The following SMARCA2 variants were observed in gnomAD, a reference collection of about 807,000 sequenced individuals.
SMARCA2 encodes the protein SWI/SNF-related matrix-associated actin-dependent regulator of chromatin subfamily A member 2.
In SMARCA2, 61 loss-of-function variants were observed where a neutral mutation model predicts 199.8. That is an observed-to-expected ratio of 0.31 (90% CI 0.25 to 0.38). The LOEUF (loss-of-function observed/expected upper bound fraction) is 0.38. SMARCA2 is among the 10% of genes least tolerant of loss of function. SMARCA2 has a pLI of 1.00. For synonymous variants in SMARCA2, 935 were observed against 732.0 expected, an observed-to-expected ratio of 1.28 and a Z score of -4.48; for missense variants, 1,344 against 2,012.2, an observed-to-expected ratio of 0.67 and a Z score of 6.35.
intron 27 of SMARCA2, among the ~76,000 whole-genome samples, chr9:2,133,992 C>G (rs1056280817): frequency 6.6e-6 from 1 of 152,148 alleles, no homozygotes; most frequent in Non-Finnish European, 1.5e-5. Context: ...CAGGGAAAAT[C>G]ATAGAACCTA....
At chr9:2,018,489 T>C (rs2130116487) in intron 1 of SMARCA2, among the ~76,000 whole-genome samples, 1 of 152,370 alleles carries the variant, frequency 6.6e-6, no homozygotes, top group African/African-American at 2.4e-5. Flanking sequence ...TATGACTTTG[T>C]ATGTGTACTG....
intron 27 of SMARCA2, among the ~76,000 whole-genome samples, chr9:2,138,516 CA>C (rs368694748): frequency 6.6e-6 from 1 of 152,200 alleles, no homozygotes; most frequent in African/African-American, 2.4e-5. Flanking sequence ...AACCTTTTTC[CA>C]AAGATTATTT....
rs575821550 is a variant in SMARCA2 at position 2,104,422 on chromosome 9, A to C, written c.3292+253A>C. 1.8e-4 allele frequency among the ~76,000 whole-genome samples: 27 copies of C among 152,312 alleles called. No homozygotes were observed. The highest frequency in any genetic ancestry group is 6.0e-4 in the African/African-American group (25 of 41,562). On this transcript the variant is annotated intron_variant, in intron 23 of 33. Transcript: ENST00000349721. The surrounding 1 kb of genome is among the most constrained non-coding windows in gnomAD (Gnocchi z 4.0). ...AGAGTCACTTTTGAGTACCTAAATA[A>C]AATAAAATTAAACTAAATTAAAATT...
intron 31 of SMARCA2, among the ~76,000 whole-genome samples, chr9:2,184,875 T>C (rs1053565641): frequency 6.6e-6 from 1 of 152,032 alleles, no homozygotes; most frequent in African/African-American, 2.4e-5. Context: ...GCGGGTCCTT[T>C]GTTCTGTCAT....
At chr9:2,151,581 A>C (rs1307599523) in intron 27 of SMARCA2, among the ~76,000 whole-genome samples, 1 of 151,952 alleles carries the variant, frequency 6.6e-6, no homozygotes, top group Non-Finnish European at 1.5e-5. Flanking sequence ...AAAATACAAA[A>C]AAATTGGCTG....
intron 28 of SMARCA2, among the ~76,000 whole-genome samples, chr9:2,164,328 G>A (rs1337890185): frequency 7.4e-6 from 1 of 135,538 alleles, no homozygotes; most frequent in Non-Finnish European, 1.6e-5. Flanking sequence ...CAGTGGTTTA[G>A]AGTACAGACT....
Position 2,161,812 on chromosome 9 carries a change from C to T in SMARCA2, c.4108C>T (p.Arg1370Cys), listed in dbSNP as rs1586773030. Reference sequence around the variant, plus strand: ...GGAAAAAGCTAAGAAGAGAAGAGGCCGCCCTCCCGCTGAGAAACTGTCACC... The same window carrying T: ...GGAAAAAGCTAAGAAGAGAAGAGGCTGCCCTCCCGCTGAGAAACTGTCACC... ...DVEKAKKRRG[R>C]PPAEKLSPNP... Residue 1370 changes from arginine to cysteine, a missense_variant, in exon 28 of 34, where the codon CGC (arginine) becomes TGC (cysteine). Transcript: ENST00000349721. The surrounding 1 kb of genome is among the most constrained non-coding windows in gnomAD (Gnocchi z 4.7). The T allele has an allele frequency of 6.2e-7, 1 of 1,613,956 alleles. No individual in the cohort carries two copies. Among genetic ancestry groups the T allele is most frequent in the Non-Finnish European group, 8.5e-7 (1 of 1,179,934 alleles).
In SMARCA2 at chr9:2,110,276, T is replaced by C. The variant is rs144342163; in HGVS notation, c.3315T>C (p.Arg1105=). 7 of 1,612,896 alleles carry C rather than the reference T, an allele frequency of 4.3e-6. No individual in the cohort carries two copies. The African/African-American group carries it at 9.4e-5, about 22-fold the overall frequency. The change falls in exon 24 of 34, where the codon CGT becomes CGC. Residue 1105 remains arginine, a synonymous_variant. Transcript: ENST00000349721. This position sits in a 1 kb window ranked among gnomAD's most constrained non-coding sequence, Gnocchi z 4.8. The part of the protein sequence containing the change: ...RLDGTTKSED[R]AALLKKFNEP... ...CAGGCACCACCAAGTCTGAAGATCG[T>C]GCTGCTTTGCTGAAGAAATTCAATG...
intron 31 of SMARCA2, among the ~76,000 whole-genome samples, chr9:2,183,443 C>G (rs527787887): frequency 6.6e-6 from 1 of 152,308 alleles, no homozygotes; most frequent in African/African-American, 2.4e-5. Context: ...AATTACACCT[C>G]AATTACTGTC....
chr9:2,090,577 C>T (rs1304156530), intron 19 of SMARCA2, among the ~76,000 whole-genome samples: 2 of 152,202 alleles, frequency 1.3e-5, no homozygotes, highest in East Asian at 3.8e-4. Flanking sequence ...GGATGTAGGG[C>T]TCCTAATACC....
At chr9:2,032,899 A>G (rs1819134169) in intron 2 of SMARCA2, 53 bp from the exon 3 acceptor site, 1 of 1,549,212 alleles carries the variant, frequency 6.5e-7, no homozygotes, top group Non-Finnish European at 8.8e-7. Context: ...AACTCCAAAT[A>G]GAAATATTTT....
chr9:2,156,347 T>A (rs955252408), intron 27 of SMARCA2, among the ~76,000 whole-genome samples: 33 of 107,160 alleles, frequency 3.1e-4, no homozygotes, highest in African/African-American at 8.8e-4. Context: ...TTAATTTAGA[T>A]AATTTGGTTT....
rs192559677 is a variant in SMARCA2, at chr9:2,147,534, A to G, written c.3982-14152A>G. 4.5e-4 allele frequency among the ~76,000 whole-genome samples: 68 copies of G among 152,260 alleles called. 1 individual carries two copies. Among genetic ancestry groups the G allele is most frequent in the African/African-American group, 1.6e-3 (67 of 41,550 alleles). On this transcript the variant is annotated intron_variant, in intron 27 of 33. Transcript: ENST00000349721. Reference sequence around the variant, plus strand: ...CTTTCTCACAGAAATAACACCTATAATGTTTCACTTAGGATTTCCAGTTTT... The same window carrying G: ...CTTTCTCACAGAAATAACACCTATAGTGTTTCACTTAGGATTTCCAGTTTT...
intron 19 of SMARCA2, among the ~76,000 whole-genome samples, chr9:2,093,138 G>A (rs951317460): frequency 1.3e-5 from 2 of 152,132 alleles, no homozygotes. Flanking sequence ...GTGGAGATGA[G>A]GGCTACTCAC....
At chr9:2,098,449 G>C (rs1245736322) in intron 21 of SMARCA2, among the ~76,000 whole-genome samples, 1 of 152,144 alleles carries the variant, frequency 6.6e-6, no homozygotes, top group Non-Finnish European at 1.5e-5. Flanking sequence ...CCACATGTCA[G>C]AGTTCTTTCC....
rs73376712 is a variant in SMARCA2 at position 2,172,690 on chromosome 9, G to A, written c.4253+2218G>A. On this transcript the variant is annotated intron_variant, in intron 29 of 33. Coordinates refer to ENST00000349721, the MANE Select transcript of SMARCA2 (RefSeq NM_003070.5). The stretch of plus-strand genomic sequence containing the variant: ...GTCTTGAGGGCAACCTGTAGTCATC[G>A]CAGTGACTGTTACGAGCACTGTTTC... Among the ~76,000 whole-genome samples the A allele has an allele frequency of 3.1e-3, 477 of 152,188 alleles. 2 individuals are homozygous for A. The highest frequency in any genetic ancestry group is 0.01 in the African/African-American group (428 of 41,510).
intron 4 of SMARCA2, chr9:2,043,580 A>G (rs1819704615): frequency 6.6e-6 from 1 of 152,204 alleles, no homozygotes; most frequent in Non-Finnish European, 1.5e-5. Flanking sequence ...TATATGCTCA[A>G]TTTAAATGTT....
At chr9:2,053,734 C>T (rs1586652452) in intron 5 of SMARCA2, among the ~76,000 whole-genome samples, 1 of 152,148 alleles carries the variant, frequency 6.6e-6, no homozygotes, top group Non-Finnish European at 1.5e-5. Flanking sequence ...TCTTAAATGG[C>T]ATATAATTAT....
At chr9:2,149,531 G>C (rs960473394) in intron 27 of SMARCA2, among the ~76,000 whole-genome samples, 3 of 151,216 alleles carry the variant, frequency 2.0e-5, no homozygotes, top group Admixed American at 2.0e-4. Flanking sequence ...AAACAACAAC[G>C]AAAAAGGAAA....
Sources: allele counts gnomAD v4.1 joint callset (sites outside exome capture counted in the v4.1 genomes callset), GRCh38; gene constraint gnomAD v4.1.1; non-coding constraint Gnocchi (gnomAD v3.1); transcripts MANE v1.5; gene names NCBI Gene and HGNC (gene_info 2026-07-23, HGNC 2026-07-21).